UXS1: variants seen among roughly 807,000 people sequenced by gnomAD.
UXS1 encodes the protein UDP-glucuronic acid decarboxylase 1.
In UXS1, 33 loss-of-function variants were observed where a neutral mutation model predicts 62.6. The observed-to-expected ratio is 0.53, with a 90% CI of 0.40 to 0.70. The LOEUF (loss-of-function observed/expected upper bound fraction) is 0.70, where lower values mean the gene tolerates loss of function less well. UXS1 is among the 30% of genes least tolerant of loss of function. UXS1 has a pLI of 0.00. For synonymous variants in UXS1, 213 were observed against 206.8 expected (o/e 1.03, Z -0.26); for missense variants, 434 against 556.3 (o/e 0.78, Z 2.21).
In UXS1 at chr2:106,174,417, C is replaced by T. The variant is rs79805729; in HGVS notation, c.95-8334G>A. 7.6e-3 allele frequency among the ~76,000 whole-genome samples: 1,155 copies of T among 152,314 alleles called. 17 individuals carry two copies. Among genetic ancestry groups the T allele is most frequent in the African/African-American group, 0.027 (1,105 of 41,558 alleles). On this transcript the variant is annotated intron_variant, in intron 1 of 14. Coordinates refer to ENST00000283148, the MANE Select transcript of UXS1 (RefSeq NM_001253875.2). ...AAATAATGCAGAGGGCAGAGCCCAC[C>T]GGTCCTGAGGGTGAGGACAGTAATG...
intron 1 of UXS1, chr2:106,183,750 TCCC>T (rs1684391327): frequency 6.6e-6 from 1 of 152,146 alleles, no homozygotes; most frequent in African/African-American, 2.4e-5. Flanking sequence ...TTTAGAGAAA[TCCC>T]TTCAATTCCT....
intron 6 of UXS1, among the ~76,000 whole-genome samples, chr2:106,140,858 C>T (rs542638765): frequency 6.6e-4 from 100 of 152,300 alleles, no homozygotes; most frequent in African/African-American, 2.3e-3. Flanking sequence ...CACATTTCTG[C>T]CTTTTCCTGT....
intron 12 of UXS1, among the ~76,000 whole-genome samples, chr2:106,100,417 TGGA>T (rs1318925071): frequency 1.3e-5 from 2 of 152,106 alleles, no homozygotes; most frequent in African/African-American, 2.4e-5. Context: ...TGGCCCCAGG[TGGA>T]GAAGTGAGGT....
rs537425848 is a variant in UXS1 at position 106,105,144 on chromosome 2, T to TG, written c.880-308dup. On this transcript the variant is annotated intron_variant, in intron 10 of 14. Coordinates refer to ENST00000283148, the MANE Select transcript of UXS1 (RefSeq NM_001253875.2). The stretch of plus-strand genomic sequence containing the variant: ...ATGTGTCAGGCATCATGTGAGGCTC[T>TG]GGGGGGCTGTGACCTCAGAGTCCAG... Among the ~76,000 whole-genome samples, 7 of 152,252 alleles carry TG rather than the reference T, an allele frequency of 4.6e-5. No individual in the cohort carries two copies. In the South Asian group the frequency reaches 1.0e-3, roughly 23 times the overall value.
intron 9 of UXS1, among the ~76,000 whole-genome samples, chr2:106,122,710 T>G (rs1016506032): frequency 6.6e-6 from 1 of 152,164 alleles, no homozygotes; most frequent in Non-Finnish European, 1.5e-5. Context: ...CAACTGGCAA[T>G]GAAGAAGCAT....
chr2:106,139,113 T>C (rs1680888474), intron 6 of UXS1, among the ~76,000 whole-genome samples: 1 of 151,706 alleles, frequency 6.6e-6, no homozygotes, highest in South Asian at 2.1e-4. Flanking sequence ...CAGTTCAGAG[T>C]ACACCAAGCA....
At chr2:106,161,743 G>A (rs976632032) in intron 4 of UXS1, among the ~76,000 whole-genome samples, 1 of 152,110 alleles carries the variant, frequency 6.6e-6, no homozygotes, top group African/African-American at 2.4e-5. Flanking sequence ...TAAAGATACA[G>A]AGTTAAAATT....
intron 1 of UXS1, among the ~76,000 whole-genome samples, chr2:106,171,812 A>G (rs1358110799): frequency 6.6e-6 from 1 of 152,274 alleles, no homozygotes; most frequent in African/African-American, 2.4e-5. Flanking sequence ...ACTGGAAAGC[A>G]TATGTACTTT....
chr2:106,098,754 G>T lies in UXS1; in HGVS notation c.1004C>A (p.Thr335Lys), dbSNP rs771832557. 2.1e-5 allele frequency: 34 copies of T among 1,609,610 alleles called. No individual in the cohort carries two copies. The highest frequency in any genetic ancestry group is 2.5e-5 in the Non-Finnish European group (30 of 1,177,544). Residue 335 changes from threonine (T) to lysine (K), a missense_variant, in exon 13 of 15, where the codon ACA becomes AAA. Around this residue, in one of 3 missense-constraint regions of UXS1, gnomAD observed 209 missense variants for 233.3 expected, o/e 0.90. Coordinates refer to ENST00000283148, the MANE Select transcript of UXS1 (RefSeq NM_001253875.2). ...AATTAACTGAGCAAATTCTAGGATT[G>T]TGTGTTCTTCTGGGTTCCCCTAAGA... Reference protein sequence around the residue: ...PVNLGNPEEHTILEFAQLIKN... With the variant: ...PVNLGNPEEHKILEFAQLIKN...
chr2:106,169,500 C>T (rs1039070996), intron 1 of UXS1, among the ~76,000 whole-genome samples: 5 of 152,136 alleles, frequency 3.3e-5, no homozygotes, highest in South Asian at 4.2e-4. Context: ...AGTTTGAGGC[C>T]GGCCTGCGCA....
rs371972502 is a variant in UXS1 at position 106,112,751 on chromosome 2, C to T, written c.774G>A (p.Val258=). Reference sequence around the variant, plus strand: ...AGGTGTTGAAGATTCTGGCCACTCGCACTTCCACGCCTTCCTGGAACAGAG... The same window carrying T: ...AGGTGTTGAAGATTCTGGCCACTCGTACTTCCACGCCTTCCTGGAACAGAG... ...YAYMKQEGVE[V]RVARIFNTFG... The change falls in exon 10 of 15, where the codon GTG becomes GTA. Residue 258 remains valine (V), a synonymous_variant. Coordinates refer to ENST00000283148, the MANE Select transcript of UXS1 (RefSeq NM_001253875.2). 1.1e-5 allele frequency: 18 copies of T among 1,613,716 alleles called. No homozygotes were observed. Among genetic ancestry groups the T allele is most frequent in the Non-Finnish European group, 1.5e-5 (18 of 1,179,850 alleles).
chr2:106,183,451 A>G (rs1243633236), intron 1 of UXS1: 1 of 152,232 alleles, frequency 6.6e-6, no homozygotes, highest in Non-Finnish European at 1.5e-5. Flanking sequence ...ACTGCTTTGA[A>G]GTTCAAACGT....
intron 6 of UXS1, among the ~76,000 whole-genome samples, chr2:106,143,364 G>C (rs1012936210): frequency 2.5e-5 from 3 of 120,880 alleles, no homozygotes; most frequent in East Asian, 2.8e-4. Context: ...AGCTGAGATC[G>C]TGCCACTGCA....
chr2:106,185,723 T>C (rs1391878151), intron 1 of UXS1, among the ~76,000 whole-genome samples: 4 of 152,216 alleles, frequency 2.6e-5, no homozygotes, highest in Admixed American at 2.6e-4. Context: ...GACAAAAAGA[T>C]CATCCCGGAT....
At position 106,096,999 on chromosome 2, in the gene UXS1, G is replaced by A. The variant is rs1468395929; in HGVS notation, c.1043-178C>T. 4.1e-6 allele frequency: 3 copies of A among 725,948 alleles called. No individual in the cohort carries two copies. The Admixed American group carries it at 6.1e-5, about 15-fold the overall frequency. The allele number at this position is 725,948 out of a possible 1,614,324, so 45.0% of individuals were successfully genotyped here. A position where few individuals can be genotyped will look rare whatever the true frequency, so the allele number is the denominator to read the frequency against. On this transcript the variant is annotated intron_variant, in intron 13 of 14. Transcript: ENST00000283148. ...AGGGACTGTTCTGCGTGGAAGTCCAGGGAGTGCTCCTGCAACTGCTGTGGC... is the reference window on the plus strand; with the variant it reads ...AGGGACTGTTCTGCGTGGAAGTCCAAGGAGTGCTCCTGCAACTGCTGTGGC...
At chr2:106,193,751 C>G (rs1196127411) in intron 1 of UXS1, among the ~76,000 whole-genome samples, 2 of 152,138 alleles carry the variant, frequency 1.3e-5, no homozygotes, top group Non-Finnish European at 2.9e-5. Flanking sequence ...CACCGCGGCG[C>G]GACCTCGGCT....
rs550624193 is a variant in UXS1, at chr2:106,144,622, T to G, written c.472+568A>C. On this transcript the variant is annotated intron_variant, in intron 6 of 14. Transcript: ENST00000283148. ...TAACCATATTTAGTAACCAAAGAAATGTACATTGAACCAATGGTTTTCTAT... is the reference window on the plus strand; with the variant it reads ...TAACCATATTTAGTAACCAAAGAAAGGTACATTGAACCAATGGTTTTCTAT... Among the ~76,000 whole-genome samples, 13 of 152,330 alleles carry G rather than the reference T, an allele frequency of 8.5e-5. No homozygotes were observed. In the South Asian group the frequency reaches 2.7e-3, roughly 32 times the overall value.
intron 9 of UXS1, among the ~76,000 whole-genome samples, chr2:106,121,699 G>A (rs868578890): frequency 1.3e-5 from 2 of 152,194 alleles, no homozygotes; most frequent in African/African-American, 4.8e-5. Flanking sequence ...GACTAAAGTC[G>A]CTTAGAAGGC....
chr2:106,175,014 G>A (rs992571), intron 1 of UXS1, among the ~76,000 whole-genome samples: 5,644 of 152,232 alleles, frequency 0.037, 154 homozygotes, highest in Non-Finnish European at 0.06. Context: ...TCAATGCCAC[G>A]TGGCACATGC....
Sources: allele counts gnomAD v4.1 joint callset (sites outside exome capture counted in the v4.1 genomes callset), GRCh38; gene constraint gnomAD v4.1.1; regional missense constraint gnomAD v4.1.1; transcripts MANE v1.5; gene names NCBI Gene and HGNC (gene_info 2026-07-23, HGNC 2026-07-21).